NRXN3: variants seen among roughly 807,000 people sequenced by gnomAD.
NRXN3 encodes the protein neurexin III.
In NRXN3, 32 loss-of-function variants were observed where a neutral mutation model predicts 137.6. The ratio of observed to expected loss-of-function variants is 0.23; its 90% CI spans 0.18 to 0.31. The LOEUF (loss-of-function observed/expected upper bound fraction) is 0.31. Among genes scored for constraint, NRXN3 ranks in the 10% least tolerant of loss-of-function variants. The pLI, the probability that NRXN3 is intolerant of heterozygous loss-of-function variation, is 1.00. For missense variants in NRXN3, 1,574 were observed against 2,062.5 expected, an observed-to-expected ratio of 0.76 and a Z score of 4.59; for synonymous variants, 798 against 784.5, an observed-to-expected ratio of 1.02 and a Z score of -0.29.
At chr14:78,511,851 A>G (rs1045193014) in intron 4 of NRXN3, among the ~76,000 whole-genome samples, 1 of 152,184 alleles carries the variant, frequency 6.6e-6, no homozygotes, top group Middle Eastern at 3.4e-3. Context: ...TCCCAGGCAA[A>G]TTGAAGCGCT....
intron 10 of NRXN3, among the ~76,000 whole-genome samples, chr14:78,922,464 T>C (rs775199969): frequency 1.3e-5 from 2 of 152,244 alleles, no homozygotes; most frequent in African/African-American, 2.4e-5. Context: ...ATGTTGAATA[T>C]GGCTGTTTGT....
intron 10 of NRXN3, among the ~76,000 whole-genome samples, chr14:78,927,209 T>G (rs74069214): frequency 0.062 from 9,264 of 148,890 alleles, 802 homozygotes; most frequent in East Asian, 0.38. Flanking sequence ...CTCTGTTGGG[T>G]GCTGATCAAC....
Position 78,988,139 on chromosome 14 carries a change from A to G in NRXN3, c.3260A>G (p.Asp1087Gly). The change falls in exon 15 of 21, where the codon GAT (aspartate) becomes GGT (glycine). Residue 1087 changes from aspartate (D) to glycine (G), a missense_variant and splice_region_variant. Transcript: ENST00000335750. The part of the protein sequence containing the change: ...MTSYSGNQCN[D>G]PGATYIFGKS... ...TCTTATTCTGGAAACCAGTGCAATG[A>G]TCGTAAGTACAACAACCTTTCATAC... The G allele has an allele frequency of 2.5e-6, 4 of 1,613,802 alleles. No homozygotes were observed. Among genetic ancestry groups the G allele is most frequent in the Non-Finnish European group, 3.4e-6 (4 of 1,179,798 alleles).
rs139633399 is a variant in NRXN3 at position 78,525,739 on chromosome 14, A to G, written c.758-119381A>G. Among the ~76,000 whole-genome samples, 309 of 152,254 alleles carry G rather than the reference A, an allele frequency of 2.0e-3. 3 individuals carry two copies. The highest frequency in any genetic ancestry group is 7.2e-3 in the African/African-American group (300 of 41,536). ...TAATTATCAATTAATACTTTAGGAGAGATTAACTGGCAAAAAATGGAAATC... is the reference window on the plus strand; with the variant it reads ...TAATTATCAATTAATACTTTAGGAGGGATTAACTGGCAAAAAATGGAAATC... On this transcript the variant is annotated intron_variant, in intron 4 of 20. Transcript: ENST00000335750.
chr14:78,457,024 T>G, intron 4 of NRXN3, among the ~76,000 whole-genome samples: 1 of 139,298 alleles, frequency 7.2e-6, no homozygotes, highest in African/African-American at 2.7e-5. Flanking sequence ...TCATCTCCCT[T>G]CCCTCCCCCA....
At chr14:78,399,082 T>G (rs536127614) in intron 4 of NRXN3, among the ~76,000 whole-genome samples, 2 of 152,318 alleles carry the variant, frequency 1.3e-5, no homozygotes, top group Admixed American at 1.3e-4. Context: ...TCTATGGGGC[T>G]TTTTGTCACA....
intron 15 of NRXN3, among the ~76,000 whole-genome samples, chr14:79,218,385 A>G (rs1296908318): frequency 6.6e-6 from 1 of 152,200 alleles, no homozygotes; most frequent in Non-Finnish European, 1.5e-5. Flanking sequence ...GAAAATGATT[A>G]TAGGAATTAA....
At chr14:78,638,592 C>T (rs1018223464) in intron 4 of NRXN3, among the ~76,000 whole-genome samples, 1 of 152,112 alleles carries the variant, frequency 6.6e-6, no homozygotes, top group Non-Finnish European at 1.5e-5. Context: ...AAAAGAATTT[C>T]TACTTTCCCC....
intron 20 of NRXN3, among the ~76,000 whole-genome samples, chr14:79,848,120 A>T (rs1467469482): frequency 2.6e-5 from 4 of 152,192 alleles, no homozygotes; most frequent in Non-Finnish European, 4.4e-5. Flanking sequence ...GCTCATTTTT[A>T]TAAAGTATAT....
At chr14:78,486,424 C>A (rs2095560110) in intron 4 of NRXN3, among the ~76,000 whole-genome samples, 1 of 152,148 alleles carries the variant, frequency 6.6e-6, no homozygotes, top group Non-Finnish European at 1.5e-5. Flanking sequence ...GTGCACTCTG[C>A]CCATTCAGTC....
chr14:79,688,063 T>C (rs549423152), intron 17 of NRXN3, among the ~76,000 whole-genome samples: 44 of 152,106 alleles, frequency 2.9e-4, no homozygotes, highest in Non-Finnish European at 5.3e-4. Context: ...GAAGGACTGG[T>C]AAGTGGGACC....
At chr14:79,206,428 G>A (rs72688949) in intron 15 of NRXN3, among the ~76,000 whole-genome samples, 2 of 152,286 alleles carry the variant, frequency 1.3e-5, no homozygotes, top group Non-Finnish European at 2.9e-5. Flanking sequence ...GCCACTTACT[G>A]GCTGTGTGTC....
chr14:79,776,557 G>A (rs2099097705), intron 19 of NRXN3, among the ~76,000 whole-genome samples: 1 of 152,168 alleles, frequency 6.6e-6, no homozygotes, highest in Non-Finnish European at 1.5e-5. Flanking sequence ...TATATTGGAG[G>A]TTGTCAGTGT....
intron 20 of NRXN3, among the ~76,000 whole-genome samples, chr14:79,820,194 A>G (rs2099267192): frequency 6.6e-6 from 1 of 152,180 alleles, no homozygotes. Context: ...TTTGTGAGGA[A>G]AGTGGGAAAA....
chr14:79,544,094 T>C (rs1267502734), intron 16 of NRXN3, among the ~76,000 whole-genome samples: 1 of 152,020 alleles, frequency 6.6e-6, no homozygotes, highest in African/African-American at 2.4e-5. Context: ...AAAATAAAAA[T>C]AAAAATAAAA....
intron 4 of NRXN3, among the ~76,000 whole-genome samples, chr14:78,518,485 G>T (rs1464648282): frequency 6.6e-6 from 1 of 152,054 alleles, no homozygotes; most frequent in East Asian, 1.9e-4. Context: ...TAGAAAAAAA[G>T]TGAGGTCCCC....
chr14:78,705,179 C>T (rs1481656212), intron 6 of NRXN3, among the ~76,000 whole-genome samples: 2 of 152,318 alleles, frequency 1.3e-5, no homozygotes, highest in South Asian at 2.1e-4. Flanking sequence ...CTCACCGAGG[C>T]GACTTGTCAG....
Position 79,607,821 on chromosome 14 carries a change from G to A in NRXN3, c.3445-55957G>A, listed in dbSNP as rs190967033. Among the ~76,000 whole-genome samples, 247 of 151,994 alleles carry A rather than the reference G, an allele frequency of 1.6e-3. 4 individuals carry two copies. The East Asian group carries it at 0.017, about 10-fold the overall frequency. On this transcript the variant is annotated intron_variant, in intron 16 of 20. Transcript: ENST00000335750. ...AGCCTCCTGAGTAGCTGGAACTACA[G>A]GCATGTGCCACCATGCCCGGCTAAT...
At chr14:79,787,252 A>G (rs2099132046) in intron 19 of NRXN3, among the ~76,000 whole-genome samples, 1 of 152,088 alleles carries the variant, frequency 6.6e-6, no homozygotes, top group Non-Finnish European at 1.5e-5. Context: ...TTCTTTTTTT[A>G]AAGTTTTATT....
Sources: gnomAD v4.1 joint callset for allele counts (sites outside exome capture counted in the v4.1 genomes callset) on GRCh38, gnomAD v4.1.1 for gene constraint, MANE v1.5 for transcripts, NCBI Gene and HGNC (gene_info 2026-07-23, HGNC 2026-07-21) for gene names.